The following SP100 variants were observed in gnomAD, a reference collection of about 807,000 sequenced individuals.
SP100 encodes nuclear autoantigen Sp-100.
SP100 carries 84 observed loss-of-function variants against 130.0 expected under a neutral mutation model. The observed-to-expected ratio is 0.65, with a 90% CI of 0.54 to 0.77. SP100 has a LOEUF of 0.77. SP100 is among the 30% of genes least tolerant of loss of function. The probability of loss-of-function intolerance (pLI) is 0.00; values close to 1 mark genes in which losing one functional copy is unlikely to be tolerated. For synonymous variants in SP100, 331 were observed against 351.7 expected, an observed-to-expected ratio of 0.94 and a Z score of 0.66; for missense variants, 978 against 1,052.2, an observed-to-expected ratio of 0.93 and a Z score of 0.97.
At chr2:230,422,183 T>C (rs543724997) in intron 2 of SP100, among the ~76,000 whole-genome samples, 1 of 152,218 alleles carries the variant, frequency 6.6e-6, no homozygotes, top group Non-Finnish European at 1.5e-5. Context: ...TATAGCATCT[T>C]GTTTCAAGAA....
intron 13 of SP100, chr2:230,468,841 A>G (rs1490261181): frequency 1.6e-5 from 5 of 315,908 alleles, no homozygotes; most frequent in South Asian, 8.0e-5. Context: ...AAAAAAAAAA[A>G]GTCATTGATT....
chr2:230,466,384 G>A, intron 12 of SP100, 30 bp downstream of exon 12: 2 of 1,212,144 alleles, frequency 1.6e-6, no homozygotes, highest in Non-Finnish European at 2.4e-6. Context: ...AAAGAGGTAA[G>A]AGAAAATAAC....
intron 10 of SP100, chr2:230,463,804 G>A (rs1300080600): frequency 1.7e-5 from 4 of 240,592 alleles, no homozygotes; most frequent in Non-Finnish European, 3.2e-5. Context: ...AATGTGGAAT[G>A]GCAAGCAGAA....
chr2:230,540,368 T>C (rs1559540822), intron 25 of SP100, among the ~76,000 whole-genome samples: 1 of 152,174 alleles, frequency 6.6e-6, no homozygotes, highest in East Asian at 1.9e-4. Flanking sequence ...CTCTGGAGAT[T>C]TCCTTTTCAA....
Position 230,510,886 on chromosome 2 carries a change from G to A in SP100, c.2053-239G>A, listed in dbSNP as rs367918631. 109 of 557,904 alleles carry A rather than the reference G, an allele frequency of 2.0e-4. 1 individual carries two copies. Among genetic ancestry groups the A allele is most frequent in the African/African-American group, 1.3e-3 (67 of 52,794 alleles). 34.6% of individuals were successfully genotyped at this position (557,904 alleles called of 1,614,324 possible). Reference sequence around the variant, plus strand: ...GCTCAGTCTCCCTGAATGGTTTCACGAAGGCCTGCCTTGGGTGTGAGAGCC... The same window carrying A: ...GCTCAGTCTCCCTGAATGGTTTCACAAAGGCCTGCCTTGGGTGTGAGAGCC... On this transcript the variant is annotated intron_variant, in intron 23 of 28. Coordinates refer to ENST00000340126, the MANE Select transcript of SP100 (RefSeq NM_001080391.2).
At chr2:230,474,303 C>T (rs1223623311) in intron 16 of SP100, 91 bp from the exon 17 acceptor site, 17 of 712,580 alleles carry the variant, frequency 2.4e-5, no homozygotes, top group Admixed American at 7.6e-5. Flanking sequence ...TTGTTATAAA[C>T]GCAAGCCTTC....
At chr2:230,521,031 G>A (rs1691147946) in intron 24 of SP100, among the ~76,000 whole-genome samples, 1 of 152,192 alleles carries the variant, frequency 6.6e-6, no homozygotes, top group Non-Finnish European at 1.5e-5. Flanking sequence ...CTCATCATGA[G>A]ATTCAGGGAC....
At chr2:230,433,882 TA>T (rs1277768317) in intron 2 of SP100, among the ~76,000 whole-genome samples, 2 of 149,290 alleles carry the variant, frequency 1.3e-5, no homozygotes, top group Non-Finnish European at 3.0e-5. Context: ...GTATATTTAA[TA>T]ACCCCATAAC....
chr2:230,526,796 G>A lies in SP100; in HGVS notation c.2095-12471G>A, dbSNP rs151032793. ...GACGCACGCACAAGCTTCAATAGCCGATTCAATCAAGTGGAAGAAAGGATA... is the reference window on the plus strand; with the variant it reads ...GACGCACGCACAAGCTTCAATAGCCAATTCAATCAAGTGGAAGAAAGGATA... On this transcript the variant is annotated intron_variant, in intron 24 of 28. Transcript: ENST00000340126. 8.3e-3 allele frequency among the ~76,000 whole-genome samples: 1,265 copies of A among 152,242 alleles called. 17 individuals carry two copies. Among genetic ancestry groups the A allele is most frequent in the African/African-American group, 0.029 (1,198 of 41,526 alleles).
intron 17 of SP100, among the ~76,000 whole-genome samples, chr2:230,488,875 T>A (rs1407641808): frequency 6.6e-6 from 1 of 152,242 alleles, no homozygotes; most frequent in African/African-American, 2.4e-5. Flanking sequence ...TGAAGCCTAC[T>A]TGATCATGAT....
intron 24 of SP100, among the ~76,000 whole-genome samples, chr2:230,532,924 G>T (rs1333511166): frequency 1.3e-5 from 2 of 152,126 alleles, no homozygotes; most frequent in Non-Finnish European, 2.9e-5. Context: ...GGGATTACAG[G>T]CGCCCACCAC....
chr2:230,502,076 C>A (rs79349490), intron 19 of SP100, among the ~76,000 whole-genome samples: 1 of 150,792 alleles, frequency 6.6e-6, no homozygotes, highest in Non-Finnish European at 1.5e-5. Flanking sequence ...CGGAGTTTCA[C>A]CATGTTGGCT....
At chr2:230,481,258 T>A (rs951815939) in intron 17 of SP100, among the ~76,000 whole-genome samples, 1 of 152,188 alleles carries the variant, frequency 6.6e-6, no homozygotes, top group Non-Finnish European at 1.5e-5. Context: ...AAATTCAACT[T>A]CTTACTCCAA....
At chr2:230,478,527 ATCT>A (rs1387106031) in intron 17 of SP100, among the ~76,000 whole-genome samples, 3 of 152,200 alleles carry the variant, frequency 2.0e-5, no homozygotes, top group African/African-American at 7.2e-5. Context: ...AGTAAGACTG[ATCT>A]TCTTTTGAAA....
intron 2 of SP100, among the ~76,000 whole-genome samples, chr2:230,427,710 T>G (rs1479442197): frequency 6.6e-6 from 1 of 152,196 alleles, no homozygotes; most frequent in East Asian, 1.9e-4. Context: ...TCTCTTAATC[T>G]TATCTACTAC....
At chr2:230,468,521 G>A (rs1204300927) in intron 13 of SP100, among the ~76,000 whole-genome samples, 1 of 152,036 alleles carries the variant, frequency 6.6e-6, no homozygotes, top group Non-Finnish European at 1.5e-5. Flanking sequence ...AAATATCTTT[G>A]AGGCCAGGTG....
chr2:230,525,473 G>A (rs1228530144), intron 24 of SP100, among the ~76,000 whole-genome samples: 2 of 152,130 alleles, frequency 1.3e-5, no homozygotes, highest in African/African-American at 4.8e-5. Context: ...AAGAGCTCCG[G>A]TCTGCAGCTC....
At chr2:230,463,129 AAGAG>A (rs2064753387) in intron 10 of SP100, among the ~76,000 whole-genome samples, 1 of 152,218 alleles carries the variant, frequency 6.6e-6, no homozygotes, top group African/African-American at 2.4e-5. Flanking sequence ...GGGTAAACAG[AAGAG>A]AGATTCTCGT....
In SP100 at chr2:230,440,024, G is replaced by A. The variant is rs76777779; in HGVS notation, c.108-2913G>A. Among the ~76,000 whole-genome samples, 707 of 152,244 alleles carry A rather than the reference G, an allele frequency of 4.6e-3. 7 individuals carry two copies. The highest frequency in any genetic ancestry group is 0.016 in the African/African-American group (656 of 41,548). On this transcript the variant is annotated intron_variant, in intron 2 of 28. Coordinates refer to ENST00000340126, the MANE Select transcript of SP100 (RefSeq NM_001080391.2). The stretch of plus-strand genomic sequence containing the variant: ...GAAAGGAAAGAAGGAAGGAAGGAAA[G>A]AAAGACGCAGGAATATGTATAAAGG...
Sources: gnomAD v4.1 joint callset for allele counts (sites outside exome capture counted in the v4.1 genomes callset) on GRCh38, gnomAD v4.1.1 for gene constraint, MANE v1.5 for transcripts, NCBI Gene and HGNC (gene_info 2026-07-23, HGNC 2026-07-21) for gene names.